The following QRFPR variants were observed in gnomAD, a reference collection of about 807,000 sequenced individuals.
QRFPR encodes the protein pyroglutamylated RF-amide peptide receptor.
Under a neutral mutation model 31.3 loss-of-function variants are expected in QRFPR, and 37 were observed. That is an observed-to-expected ratio of 1.18 (90% CI 0.91 to 1.56). The LOEUF (loss-of-function observed/expected upper bound fraction) is 1.56. Ranked by LOEUF, QRFPR falls within the 40% of genes most tolerant of loss-of-function variation. The pLI is 0.00. For synonymous variants in QRFPR, 197 were observed against 192.0 expected (o/e 1.03, Z -0.22); for missense variants, 542 against 532.5 (o/e 1.02, Z -0.18).
rs1356325220 is a variant in QRFPR, at chr4:121,374,260, C to T, written c.340+6048G>A. Among the ~76,000 whole-genome samples the T allele has an allele frequency of 2.0e-5, 3 of 152,190 alleles. No individual in the cohort carries two copies. In the East Asian group the frequency reaches 5.8e-4, roughly 29 times the overall value. On this transcript the variant is annotated intron_variant, in intron 1 of 5. Coordinates refer to ENST00000394427, the MANE Select transcript of QRFPR (RefSeq NM_198179.3). ...AATTGCCTCTGAGCTCCTTGTTGGA[C>T]TCCAGTTAATATAATCTACTTTTGC...
intron 1 of QRFPR, chr4:121,370,369 T>G: frequency 2.7e-6 from 2 of 733,518 alleles, no homozygotes; most frequent in East Asian, 5.2e-5. Context: ...TCCAGGTGTT[T>G]TTTCTATATA....
intron 1 of QRFPR, among the ~76,000 whole-genome samples, chr4:121,368,543 C>G (rs1726169690): frequency 6.7e-6 from 1 of 150,354 alleles, no homozygotes. Flanking sequence ...GGTTGCAGGA[C>G]AGTGATCCAT....
rs1726084541 is a variant in QRFPR at position 121,365,526 on chromosome 4, TTA to T, written c.340+14780_340+14781del. ...ATATATATAATATATATTATATATATTATATATAATATATATTATATATAATA... is the reference window on the plus strand; with the variant it reads ...ATATATATAATATATATTATATATATTATATAATATATATTATATATAATA... On this transcript the variant is annotated intron_variant, in intron 1 of 5. Transcript: ENST00000394427. Among the ~76,000 whole-genome samples the T allele has an allele frequency of 8.0e-4, 5 of 6,286 alleles. 1 individual carries two copies. The highest frequency in any genetic ancestry group is 3.3e-3 in the African/African-American group (4 of 1,230). The allele number at this position is 6,286 out of a possible 152,430, so 4.1% of individuals were successfully genotyped here. A position where few individuals can be genotyped will look rare whatever the true frequency, so the allele number is the denominator to read the frequency against.
At chr4:121,359,794 T>TAC (rs895214357) in intron 1 of QRFPR, among the ~76,000 whole-genome samples, 1 of 150,842 alleles carries the variant, frequency 6.6e-6, no homozygotes, top group Non-Finnish European at 1.5e-5. Context: ...TGTGTGTATA[T>TAC]GTGTGTGTGT....
chr4:121,369,077 G>A (rs1428246455), intron 1 of QRFPR, among the ~76,000 whole-genome samples: 2 of 152,182 alleles, frequency 1.3e-5, no homozygotes, highest in African/African-American at 2.4e-5. Flanking sequence ...CGCCCAGGCT[G>A]GAGTGTAATG....
intron 4 of QRFPR, among the ~76,000 whole-genome samples, chr4:121,331,579 T>C (rs1307985144): frequency 6.6e-6 from 1 of 151,458 alleles, no homozygotes; most frequent in South Asian, 2.1e-4. Flanking sequence ...CTCTACACAT[T>C]TGCATGGTGC....
intron 4 of QRFPR, among the ~76,000 whole-genome samples, chr4:121,331,497 A>T (rs765700952): frequency 6.6e-6 from 1 of 151,456 alleles, no homozygotes; most frequent in Non-Finnish European, 1.5e-5. Flanking sequence ...TATATCTTAA[A>T]AACATGATTA....
Position 121,355,265 on chromosome 4 carries a change from C to T in QRFPR, c.341-14655G>A, listed in dbSNP as rs71602327. ...TCTCATTATTTGTTGCTGGTCTATT[C>T]GGCTTTTGGATTTCTTCATGGTTCT... On this transcript the variant is annotated intron_variant, in intron 1 of 5. Transcript: ENST00000394427. 2.0e-3 allele frequency among the ~76,000 whole-genome samples: 299 copies of T among 152,150 alleles called. 1 individual carries two copies. The highest frequency in any genetic ancestry group is 3.0e-3 in the Non-Finnish European group (206 of 67,948).
chr4:121,362,296 A>G (rs904273343), intron 1 of QRFPR, among the ~76,000 whole-genome samples: 1 of 149,920 alleles, frequency 6.7e-6, no homozygotes, highest in African/African-American at 2.5e-5. Context: ...GTTTTCTTTT[A>G]GTTCTCTTTC....
intron 1 of QRFPR, among the ~76,000 whole-genome samples, chr4:121,375,939 T>C (rs1726344197): frequency 6.6e-6 from 1 of 151,660 alleles, no homozygotes; most frequent in Non-Finnish European, 1.5e-5. Flanking sequence ...GTTCAGTGAG[T>C]GAATTTGGAG....
chr4:121,358,048 C>G (rs753078790), intron 1 of QRFPR, among the ~76,000 whole-genome samples: 8 of 152,144 alleles, frequency 5.3e-5, no homozygotes, highest in Non-Finnish European at 1.0e-4. Flanking sequence ...GAAACAATAT[C>G]TCACAAATAA....
At chr4:121,345,668 A>G (rs1254769276) in intron 1 of QRFPR, among the ~76,000 whole-genome samples, 1 of 152,120 alleles carries the variant, frequency 6.6e-6, no homozygotes, top group Non-Finnish European at 1.5e-5. Flanking sequence ...CTGGATTAGG[A>G]ACAATTGCTT....
chr4:121,369,090 G>A (rs1306963270), intron 1 of QRFPR, among the ~76,000 whole-genome samples: 4 of 152,218 alleles, frequency 2.6e-5, no homozygotes, highest in African/African-American at 7.2e-5. Context: ...GTGTAATGGC[G>A]TGATCTCGGC....
intron 1 of QRFPR, among the ~76,000 whole-genome samples, chr4:121,361,331 T>C (rs987320591): frequency 6.7e-6 from 1 of 150,054 alleles, no homozygotes. Flanking sequence ...CTTGGTATAA[T>C]GATGATGTGG....
At chr4:121,331,622 C>CATT (rs59488750) in intron 4 of QRFPR, among the ~76,000 whole-genome samples, 34,512 of 142,436 alleles carry the variant, frequency 0.24, 4,333 homozygotes, top group Middle Eastern at 0.3. Context: ...CTCATTATCT[C>CATT]ATTATTATTA....
At chr4:121,340,019 T>C (rs1186284225) in intron 2 of QRFPR, 2 of 161,722 alleles carry the variant, frequency 1.2e-5, no homozygotes, top group African/African-American at 5.1e-5. Flanking sequence ...CTCAAGATGA[T>C]AATTCCCAGC....
At chr4:121,366,739 T>C (rs551540831) in intron 1 of QRFPR, among the ~76,000 whole-genome samples, 1 of 150,300 alleles carries the variant, frequency 6.7e-6, no homozygotes, top group Non-Finnish European at 1.5e-5. Context: ...TTTTTTGTGA[T>C]TTGCTGTGCA....
At chr4:121,343,048 G>A (rs1442399475) in intron 1 of QRFPR, among the ~76,000 whole-genome samples, 3 of 152,174 alleles carry the variant, frequency 2.0e-5, no homozygotes, top group Non-Finnish European at 4.4e-5. Context: ...ATGGAGAAGG[G>A]AACGCCCATG....
chr4:121,329,744 G>A (rs772965454), intron 5 of QRFPR, 30 bp from the exon 6 acceptor site: 105 of 1,385,956 alleles, frequency 7.6e-5, no homozygotes, highest in South Asian at 3.3e-4. Context: ...TAGAATGTAC[G>A]TTTATTTTAA....
Sources: allele counts gnomAD v4.1 joint callset (sites outside exome capture counted in the v4.1 genomes callset), GRCh38; gene constraint gnomAD v4.1.1; transcripts MANE v1.5; gene names NCBI Gene and HGNC (gene_info 2026-07-23, HGNC 2026-07-21).